Variants in TUSC3 observed in about 807,000 individuals in gnomAD.
TUSC3 encodes tumor suppressor candidate 3.
A neutral mutation model predicts 44.8 loss-of-function variants in TUSC3; 45 were observed. The ratio of observed to expected loss-of-function variants is 1.00; its 90% confidence interval spans 0.79 to 1.29. The LOEUF is 1.29. TUSC3 is among the 50% of genes most tolerant of loss of function. TUSC3 has a pLI of 0.00. For synonymous variants in TUSC3, 212 were observed against 152.9 expected, an observed-to-expected ratio of 1.39 and a Z score of -2.85; for missense variants, 519 against 437.9, an observed-to-expected ratio of 1.19 and a Z score of -1.65.
At chr8:15,436,097 A>G (rs1475576989) in intron 1 of TUSC3, among the ~76,000 whole-genome samples, 2 of 152,160 alleles carry the variant, frequency 1.3e-5, no homozygotes, top group Non-Finnish European at 2.9e-5. Context: ...GAAGTTAGCC[A>G]TGGACTGGGG....
the TUSC3 span, among the ~76,000 whole-genome samples, chr8:15,811,581 A>G: frequency 3.3e-5 from 5 of 152,214 alleles, no homozygotes; most frequent in Non-Finnish European, 5.9e-5. Flanking sequence ...GGGGGTTTGC[A>G]GAACAGGCAC....
intron 6 of TUSC3, among the ~76,000 whole-genome samples, chr8:15,729,789 T>G (rs1334625421): frequency 6.6e-6 from 1 of 152,002 alleles, no homozygotes; most frequent in Non-Finnish European, 1.5e-5. Context: ...ACAAAATCAT[T>G]TGTACATCAA....
intron 1 of TUSC3, among the ~76,000 whole-genome samples, chr8:15,419,170 ATG>A (rs2129114719): frequency 6.6e-6 from 1 of 152,288 alleles, no homozygotes; most frequent in Admixed American, 6.5e-5. Context: ...AAGAACCTGA[ATG>A]TAACTGTGAG....
At chr8:15,595,831 A>AT (rs1175636212) in intron 1 of TUSC3, among the ~76,000 whole-genome samples, 2 of 152,146 alleles carry the variant, frequency 1.3e-5, no homozygotes, top group Non-Finnish European at 2.9e-5. Flanking sequence ...ACTTAAGATA[A>AT]TTTTTTGTCT....
intron 2 of TUSC3, among the ~76,000 whole-genome samples, chr8:15,498,859 T>A (rs1800917021): frequency 6.6e-6 from 1 of 152,326 alleles, no homozygotes; most frequent in Admixed American, 6.5e-5. Context: ...TTCCTACAAT[T>A]GTGTATAGTC....
intron 1 of TUSC3, among the ~76,000 whole-genome samples, chr8:15,607,360 G>T (rs984039096): frequency 6.6e-6 from 1 of 152,048 alleles, no homozygotes; most frequent in African/African-American, 2.4e-5. Context: ...CTTTTAAGTG[G>T]CTCAAAACAG....
At chr8:15,715,523 G>A (rs1810023270) in intron 6 of TUSC3, among the ~76,000 whole-genome samples, 1 of 152,012 alleles carries the variant, frequency 6.6e-6, no homozygotes, top group South Asian at 2.1e-4. Context: ...CAGCAGGATG[G>A]CATGAGATTT....
At chr8:15,493,882 G>A (rs572741199) in intron 2 of TUSC3, among the ~76,000 whole-genome samples, 8 of 152,292 alleles carry the variant, frequency 5.3e-5, no homozygotes, top group African/African-American at 1.9e-4. Flanking sequence ...CTTCATAGCT[G>A]AAGGAGTATC....
intron 1 of TUSC3, among the ~76,000 whole-genome samples, chr8:15,419,383 A>G (rs1177088042): frequency 6.6e-6 from 1 of 152,236 alleles, no homozygotes; most frequent in African/African-American, 2.4e-5. Context: ...TGAGTTCAGT[A>G]TATCTTATTG....
chr8:15,661,847 A>T (rs1473850197), intron 4 of TUSC3, among the ~76,000 whole-genome samples: 2 of 151,884 alleles, frequency 1.3e-5, no homozygotes, highest in Non-Finnish European at 2.9e-5. Flanking sequence ...AAAAGAGAAA[A>T]CCCAATTCAA....
At position 15,650,575 on chromosome 8, in the gene TUSC3, G is replaced by A. The variant is rs188154492; in HGVS notation, c.309-122G>A. The A allele has an allele frequency of 2.1e-5, 15 of 719,090 alleles. No individual in the cohort carries two copies. In the African/African-American group the frequency reaches 2.7e-4, roughly 13 times the overall value. The allele number at this position is 719,090 out of a possible 1,614,324, so 44.5% of individuals were successfully genotyped here. A position where few individuals can be genotyped will look rare whatever the true frequency, so the allele number is the denominator to read the frequency against. On this transcript the variant is annotated intron_variant, in intron 2 of 10. Coordinates refer to ENST00000503731, the MANE Select transcript of TUSC3 (RefSeq NM_006765.4). ...TAAAAAAAAATATTTTAAAAACTATGCTTTTCTTACAGTCTGTACAAAAAC... is the reference window on the plus strand; with the variant it reads ...TAAAAAAAAATATTTTAAAAACTATACTTTTCTTACAGTCTGTACAAAAAC...
intron 3 of TUSC3, 86 bp from the exon 4 acceptor site, chr8:15,659,421 C>T (rs2129178975): frequency 6.6e-7 from 1 of 1,510,544 alleles, no homozygotes; most frequent in Non-Finnish European, 8.9e-7. Flanking sequence ...ATGCTGTTTT[C>T]CCCGAATTTC....
chr8:15,687,325 G>C (rs778388395), intron 6 of TUSC3, among the ~76,000 whole-genome samples: 2 of 152,130 alleles, frequency 1.3e-5, no homozygotes, highest in Non-Finnish European at 2.9e-5. Flanking sequence ...AGTCTTCAGA[G>C]CCTCGCTTCT....
chr8:15,581,796 G>T (rs6980852), intron 1 of TUSC3, among the ~76,000 whole-genome samples: 2 of 128,712 alleles, frequency 1.6e-5, no homozygotes, highest in African/African-American at 6.6e-5. Context: ...GCCCCCAGAG[G>T]TGGAGCCTAC....
At chr8:15,762,457 C>T (rs1468514276) in intron 10 of TUSC3, among the ~76,000 whole-genome samples, 1 of 151,980 alleles carries the variant, frequency 6.6e-6, no homozygotes, top group Non-Finnish European at 1.5e-5. Flanking sequence ...GATCCTTTTA[C>T]TGTGAATATA....
At chr8:15,463,481 T>C (rs1330665342) in intron 1 of TUSC3, among the ~76,000 whole-genome samples, 2 of 152,120 alleles carry the variant, frequency 1.3e-5, no homozygotes, top group African/African-American at 2.4e-5. Context: ...ACTCACCTGA[T>C]TGTGCAGTTT....
intron 6 of TUSC3, among the ~76,000 whole-genome samples, chr8:15,686,286 C>T (rs1232831870): frequency 6.6e-6 from 1 of 151,942 alleles, no homozygotes; most frequent in Non-Finnish European, 1.5e-5. Flanking sequence ...CTGTAACTCC[C>T]ACCGTGAACA....
chr8:15,617,774 G>A (rs747029751), intron 1 of TUSC3, among the ~76,000 whole-genome samples: 4 of 152,030 alleles, frequency 2.6e-5, no homozygotes, highest in Non-Finnish European at 4.4e-5. Context: ...GTTAAAGTTT[G>A]GTTTTTATTT....
the TUSC3 span, among the ~76,000 whole-genome samples, chr8:15,802,393 G>C: frequency 6.6e-6 from 1 of 152,252 alleles, no homozygotes; most frequent in East Asian, 1.9e-4. Flanking sequence ...TATGAAAATT[G>C]TATATAGGAA....
Sources: allele counts gnomAD v4.1 joint callset (sites outside exome capture counted in the v4.1 genomes callset), GRCh38; gene constraint gnomAD v4.1.1; transcripts MANE v1.5; gene names NCBI Gene and HGNC (gene_info 2026-07-23, HGNC 2026-07-21).